Variants in RAB39A observed in about 807,000 individuals in gnomAD.
RAB39A encodes the protein ras-related protein Rab-39A.
A neutral mutation model predicts 20.9 loss-of-function variants in RAB39A; 17 were observed. The observed-to-expected ratio is 0.81, with a 90% CI of 0.56 to 1.22. The LOEUF is 1.22. Ranked by LOEUF, RAB39A falls within the 50% of genes most tolerant of loss-of-function variation. The pLI is 0.00. For missense variants in RAB39A, 234 were observed against 270.5 expected (o/e 0.87, Z 0.95); for synonymous variants, 99 against 103.4 (o/e 0.96, Z 0.26).
At chr11:107,934,929 C>CAAAA (rs55682157) in intron 1 of RAB39A, among the ~76,000 whole-genome samples, 2 of 101,644 alleles carry the variant, frequency 2.0e-5, no homozygotes, top group South Asian at 3.4e-4. Flanking sequence ...GACTTCGTCT[C>CAAAA]AAAAAAAAAA....
intron 1 of RAB39A, among the ~76,000 whole-genome samples, chr11:107,954,144 G>T (rs767798185): frequency 7.5e-4 from 114 of 152,270 alleles, no homozygotes; most frequent in Admixed American, 3.5e-3. Context: ...CCAGAGTAAG[G>T]TACAATATTC....
chr11:107,962,244 T>C lies in RAB39A; in HGVS notation c.526T>C (p.Tyr176His), dbSNP rs1861505228. ...ESFTILTRDI[Y>H]ELIKKGEICI... Reference sequence around the variant, plus strand: ...CTTCACAATCTTGACGAGAGACATATATGAACTTATTAAAAAGGGAGAAAT... The same window carrying C: ...CTTCACAATCTTGACGAGAGACATACATGAACTTATTAAAAAGGGAGAAAT... The change falls in exon 2 of 2, where the codon TAT becomes CAT. Residue 176 changes from tyrosine (Y) to histidine (H), a missense_variant. Coordinates refer to ENST00000320578, the MANE Select transcript of RAB39A (RefSeq NM_017516.3). 6.2e-7 allele frequency: 1 copy of C among 1,613,910 alleles called. No homozygotes were observed. Among genetic ancestry groups the C allele is most frequent in the African/African-American group, 1.3e-5 (1 of 75,038 alleles).
At chr11:107,945,573 AT>A (rs1565463920) in intron 1 of RAB39A, among the ~76,000 whole-genome samples, 1 of 152,116 alleles carries the variant, frequency 6.6e-6, no homozygotes, top group African/African-American at 2.4e-5. Context: ...GGTAAAAAAA[AT>A]ATCTAAAACC....
chr11:107,944,348 T>C (rs1187527434), intron 1 of RAB39A, among the ~76,000 whole-genome samples: 1 of 152,156 alleles, frequency 6.6e-6, no homozygotes, highest in Non-Finnish European at 1.5e-5. Context: ...CTGGGGAATA[T>C]AGTCTCTCGA....
intron 1 of RAB39A, among the ~76,000 whole-genome samples, chr11:107,947,013 A>G (rs1427102966): frequency 6.6e-6 from 1 of 152,078 alleles, no homozygotes; most frequent in East Asian, 1.9e-4. Flanking sequence ...TTTGGAAAAC[A>G]CAATAGCAAA....
At chr11:107,946,460 A>ATATATATTTT (rs1861319013) in intron 1 of RAB39A, among the ~76,000 whole-genome samples, 1 of 15,750 alleles carries the variant, frequency 6.3e-5, no homozygotes, top group African/African-American at 2.3e-4. Context: ...ATATATATAT[A>ATATATATTTT]TTTTTTTTTT....
chr11:107,939,621 A>G (rs915095485), intron 1 of RAB39A, among the ~76,000 whole-genome samples: 1 of 136,894 alleles, frequency 7.3e-6, no homozygotes, highest in Non-Finnish European at 1.6e-5. Flanking sequence ...AAGAAAAAAA[A>G]AAAGAAAAAA....
At chr11:107,932,960 C>T (rs1024607593) in intron 1 of RAB39A, among the ~76,000 whole-genome samples, 1 of 152,146 alleles carries the variant, frequency 6.6e-6, no homozygotes, top group African/African-American at 2.4e-5. Flanking sequence ...ATCTGCCTAC[C>T]TCAGCCTCCT....
At chr11:107,931,399 T>C (rs1470794748) in intron 1 of RAB39A, among the ~76,000 whole-genome samples, 1 of 152,272 alleles carries the variant, frequency 6.6e-6, no homozygotes, top group East Asian at 1.9e-4. Flanking sequence ...GAATGTTTAC[T>C]GACAGTGAGT....
chr11:107,950,819 C>A (rs182317311), intron 1 of RAB39A, among the ~76,000 whole-genome samples: 2 of 150,006 alleles, frequency 1.3e-5, no homozygotes, highest in African/African-American at 2.4e-5. Context: ...ATCTTCTAAT[C>A]GGGTTATAAC....
rs181222548 is a variant in RAB39A, at chr11:107,940,309, G to A, written c.227+11514G>A. Among the ~76,000 whole-genome samples, 1,214 of 151,790 alleles carry A rather than the reference G, an allele frequency of 8.0e-3. 7 individuals are homozygous for A. The highest frequency in any genetic ancestry group is 0.014 in the Non-Finnish European group (938 of 67,932). Reference sequence around the variant, plus strand: ...TAGATGAGTCACATTCTGTCACCTAGGTTCTAGTACAGTGGCACGATCTCG... The same window carrying A: ...TAGATGAGTCACATTCTGTCACCTAAGTTCTAGTACAGTGGCACGATCTCG... On this transcript the variant is annotated intron_variant, in intron 1 of 1. Transcript: ENST00000320578.
intron 1 of RAB39A, among the ~76,000 whole-genome samples, chr11:107,946,157 A>AAAACAAAC (rs542265403): frequency 6.0e-5 from 9 of 150,070 alleles, no homozygotes; most frequent in African/African-American, 2.0e-4. Flanking sequence ...CCTAGGGACC[A>AAAACAAAC]AAACAAACAA....
chr11:107,955,145 C>T (rs1051725373), intron 1 of RAB39A, among the ~76,000 whole-genome samples: 8 of 151,634 alleles, frequency 5.3e-5, no homozygotes, highest in Non-Finnish European at 8.8e-5. Flanking sequence ...TACAGGCACC[C>T]GCCACCATGC....
At chr11:107,942,431 G>A (rs1395366363) in intron 1 of RAB39A, among the ~76,000 whole-genome samples, 1 of 152,114 alleles carries the variant, frequency 6.6e-6, no homozygotes, top group African/African-American at 2.4e-5. Context: ...GTCTTGCTCT[G>A]TCACTCATGC....
intron 1 of RAB39A, among the ~76,000 whole-genome samples, chr11:107,946,308 C>CTATATATATATATATATATATATA (rs369739015): frequency 1.1e-5 from 1 of 94,260 alleles, no homozygotes; most frequent in African/African-American, 3.8e-5. Context: ...GAACAGGATA[C>CTATATATATATATATATATATATA]TATATATATA....
Position 107,963,071 on chromosome 11 carries a change from C to A in RAB39A, c.*699C>A, listed in dbSNP as rs1276600012. On this transcript the variant is annotated 3_prime_UTR_variant, in exon 2 of 2. Coordinates refer to ENST00000320578, the MANE Select transcript of RAB39A (RefSeq NM_017516.3). ...CGCTCACCAAATGTTTGAAATGTTGCTTTTTTTTTTTGAGACAGGGTCTTG... is the reference window on the plus strand; with the variant it reads ...CGCTCACCAAATGTTTGAAATGTTGATTTTTTTTTTTGAGACAGGGTCTTG... 6.8e-6 allele frequency: 1 copy of A among 148,110 alleles called. No homozygotes were observed. Among genetic ancestry groups the A allele is most frequent in the Non-Finnish European group, 1.5e-5 (1 of 66,804 alleles). The allele number at this position is 148,110 out of a possible 1,614,324, so 9.2% of individuals were successfully genotyped here. A position where few individuals can be genotyped will look rare whatever the true frequency, so the allele number is the denominator to read the frequency against.
intron 1 of RAB39A, among the ~76,000 whole-genome samples, chr11:107,937,900 T>TA (rs2134953837): frequency 6.6e-6 from 1 of 152,268 alleles, no homozygotes; most frequent in Non-Finnish European, 1.5e-5. Context: ...CACAGACATA[T>TA]AATACAAATG....
In RAB39A at chr11:107,946,474, T is replaced by A. The variant is rs1442878650; in HGVS notation, c.228-15472T>A. ...TATATATATATATTTTTTTTTTTTTTTTTTTTTTTTTTTTTTGAGACAGAG... is the reference window on the plus strand; with the variant it reads ...TATATATATATATTTTTTTTTTTTTATTTTTTTTTTTTTTTTGAGACAGAG... On this transcript the variant is annotated intron_variant, in intron 1 of 1. Coordinates refer to ENST00000320578, the MANE Select transcript of RAB39A (RefSeq NM_017516.3). 1.0e-3 allele frequency among the ~76,000 whole-genome samples: 88 copies of A among 85,866 alleles called. 1 individual carries two copies. The highest frequency in any genetic ancestry group is 3.5e-3 in the African/African-American group (74 of 21,148). 56.3% of individuals were successfully genotyped at this position (85,866 alleles called of 152,430 possible). A position where few individuals can be genotyped will look rare whatever the true frequency, so the allele number is the denominator to read the frequency against.
intron 1 of RAB39A, among the ~76,000 whole-genome samples, chr11:107,943,552 C>T (rs1591244159): frequency 7.3e-6 from 1 of 136,788 alleles, no homozygotes; most frequent in African/African-American, 2.8e-5. Flanking sequence ...GCCTGGGTGA[C>T]AGAGTGAGAC....
Sources: allele counts gnomAD v4.1 joint callset (sites outside exome capture counted in the v4.1 genomes callset), GRCh38; gene constraint gnomAD v4.1.1; transcripts MANE v1.5; gene names NCBI Gene and HGNC (gene_info 2026-07-23, HGNC 2026-07-21).